Variants in PTPN1 observed in about 807,000 individuals in gnomAD.
PTPN1 encodes the protein tyrosine-protein phosphatase non-receptor type 1.
A neutral mutation model predicts 59.9 loss-of-function variants in PTPN1; 12 were observed. The observed-to-expected ratio is 0.20, with a 90% CI of 0.13 to 0.32. PTPN1 has a LOEUF of 0.32. Ranked by LOEUF, PTPN1 falls within the 10% of genes least tolerant of loss-of-function variation. The probability of loss-of-function intolerance (pLI) is 1.00; values close to 1 mark genes in which losing one functional copy is unlikely to be tolerated. For synonymous variants in PTPN1, 178 were observed against 203.6 expected (o/e 0.87, Z 1.07); for missense variants, 356 against 549.2 (o/e 0.65, Z 3.52).
chr20:50,536,405 A>ATT (rs1321864706), intron 1 of PTPN1, among the ~76,000 whole-genome samples: 3 of 152,270 alleles, frequency 2.0e-5, no homozygotes, highest in Non-Finnish European at 2.9e-5. Context: ...AACCTGAAAC[A>ATT]GTCACACAAA....
chr20:50,547,415 G>C (rs2082680404), intron 1 of PTPN1, among the ~76,000 whole-genome samples: 1 of 151,966 alleles, frequency 6.6e-6, no homozygotes, highest in Admixed American at 6.6e-5. Flanking sequence ...CCAGGCTAGA[G>C]TGCAATGGTA....
chr20:50,537,582 G>A (rs1486871375), intron 1 of PTPN1, among the ~76,000 whole-genome samples: 1 of 152,064 alleles, frequency 6.6e-6, no homozygotes, highest in Non-Finnish European at 1.5e-5. Flanking sequence ...TCAATTCTAG[G>A]TTGTTTTGTT....
intron 4 of PTPN1, chr20:50,572,651 C>T (rs2082816873): frequency 6.6e-6 from 1 of 152,214 alleles, no homozygotes; most frequent in African/African-American, 2.4e-5. Flanking sequence ...TCTGTCTGCT[C>T]ACTCTGTGGA....
intron 1 of PTPN1, among the ~76,000 whole-genome samples, chr20:50,546,234 A>G (rs2082675705): frequency 6.6e-6 from 1 of 152,112 alleles, no homozygotes; most frequent in African/African-American, 2.4e-5. Flanking sequence ...TAATCTTCAT[A>G]TGCTTAGTGC....
chr20:50,568,621 A>G lies in PTPN1; in HGVS notation c.354+143A>G, dbSNP rs2082790746. 1.5e-6 allele frequency: 1 copy of G among 683,640 alleles called. No homozygotes were observed. The highest frequency in any genetic ancestry group is 2.5e-6 in the Non-Finnish European group (1 of 401,540). 42.3% of individuals were successfully genotyped at this position (683,640 alleles called of 1,614,324 possible). A position where few individuals can be genotyped will look rare whatever the true frequency, so the allele number is the denominator to read the frequency against. ...TTTTATTTAAAAAAATTAAAACAGC[A>G]GCATATAAATGCATGTTGGTTGTCA... On this transcript the variant is annotated intron_variant, in intron 4 of 9. Transcript: ENST00000371621. The surrounding 1 kb of genome is among the most constrained non-coding windows in gnomAD (Gnocchi z 5.6).
chr20:50,543,881 T>G (rs1349130310), intron 1 of PTPN1, among the ~76,000 whole-genome samples: 3 of 152,156 alleles, frequency 2.0e-5, no homozygotes, highest in Non-Finnish European at 4.4e-5. Context: ...AGTCTCACTC[T>G]GTCACCCAGG....
chr20:50,522,591 G>C (rs1020260866), intron 1 of PTPN1, among the ~76,000 whole-genome samples: 2 of 152,316 alleles, frequency 1.3e-5, no homozygotes, highest in Admixed American at 1.3e-4. Context: ...TGTAGAACAT[G>C]CTTTTTCTTT....
chr20:50,510,670 C>T lies in PTPN1; in HGVS notation c.63+80C>T, dbSNP rs887986162. ...CCCTCAGACCTCCAGGCCCCAGACT[C>T]CCTCTGGGTCTTGCCCTCTGCCTCG... On this transcript the variant is annotated intron_variant, in intron 1 of 9. Transcript: ENST00000371621. The T allele has an allele frequency of 3.0e-5, 42 of 1,410,192 alleles. No individual in the cohort carries two copies. In the Admixed American group the frequency reaches 3.7e-4, roughly 12 times the overall value. 87.4% of individuals were successfully genotyped at this position (1,410,192 alleles called of 1,614,324 possible).
chr20:50,516,740 A>G (rs2082530809), intron 1 of PTPN1, among the ~76,000 whole-genome samples: 1 of 152,194 alleles, frequency 6.6e-6, no homozygotes, highest in Non-Finnish European at 1.5e-5. Context: ...TTTTCTCTCA[A>G]GTAGCAATTG....
chr20:50,579,186 CCTT>C lies in PTPN1; in HGVS notation c.726_728del (p.Ser243del), dbSNP rs780380776. ...CTTTCAGATGGACAAGAGGAAAGAC[CCTT>C]CTTCCGTTGATATCAAGAAAGTGCT... On this transcript the variant is annotated inframe_deletion, in exon 7 of 10. Coordinates refer to ENST00000371621, the MANE Select transcript of PTPN1 (RefSeq NM_002827.4). 16 of 1,614,068 alleles carry C rather than the reference CCTT, an allele frequency of 9.9e-6. No individual in the cohort carries two copies. Among genetic ancestry groups the C allele is most frequent in the Non-Finnish European group, 1.4e-5 (16 of 1,180,040 alleles).
chr20:50,575,969 A>G (rs1412404180), intron 5 of PTPN1, among the ~76,000 whole-genome samples: 1 of 152,144 alleles, frequency 6.6e-6, no homozygotes, highest in Admixed American at 6.5e-5. Flanking sequence ...AAGATCTAGA[A>G]TGTAGCACAG....
At chr20:50,518,433 C>T (rs371229230) in intron 1 of PTPN1, among the ~76,000 whole-genome samples, 3 of 152,140 alleles carry the variant, frequency 2.0e-5, no homozygotes, top group Admixed American at 6.5e-5. Flanking sequence ...GAACATTTGT[C>T]GCTGTTAACT....
At chr20:50,573,218 C>G (rs1420420190) in intron 4 of PTPN1, 1 of 152,428 alleles carries the variant, frequency 6.6e-6, no homozygotes, top group Non-Finnish European at 1.5e-5. Context: ...CCACAGGTCC[C>G]TGGGCCTGCT....
chr20:50,545,737 T>C (rs2082672288), intron 1 of PTPN1, among the ~76,000 whole-genome samples: 1 of 152,010 alleles, frequency 6.6e-6, no homozygotes, highest in Non-Finnish European at 1.5e-5. Context: ...GTGGTCTGGC[T>C]GAGCTCGGTG....
chr20:50,579,161 C>T lies in PTPN1; in HGVS notation c.703-7C>T, dbSNP rs2082852304. On this transcript the variant is annotated splice_polypyrimidine_tract_variant and splice_region_variant and intron_variant, in intron 6 of 9. Coordinates refer to ENST00000371621, the MANE Select transcript of PTPN1 (RefSeq NM_002827.4). ...TGGCTGACTTATATCTCCTCTCTGGCTTTCAGATGGACAAGAGGAAAGACC... is the reference window on the plus strand; with the variant it reads ...TGGCTGACTTATATCTCCTCTCTGGTTTTCAGATGGACAAGAGGAAAGACC... 6.2e-7 allele frequency: 1 copy of T among 1,613,874 alleles called. No individual in the cohort carries two copies. Among genetic ancestry groups the T allele is most frequent in the African/African-American group, 1.3e-5 (1 of 74,916 alleles).
intron 1 of PTPN1, among the ~76,000 whole-genome samples, chr20:50,548,262 TTA>T (rs2082684708): frequency 6.6e-6 from 1 of 152,210 alleles, no homozygotes; most frequent in Non-Finnish European, 1.5e-5. Context: ...TTAAGGTTTT[TTA>T]AAAAATTTTC....
intron 1 of PTPN1, among the ~76,000 whole-genome samples, chr20:50,536,347 T>C (rs1211160585): frequency 6.6e-6 from 1 of 152,182 alleles, no homozygotes; most frequent in East Asian, 1.9e-4. Context: ...GGTGTGCTGA[T>C]CAGAAACGTG....
chr20:50,532,541 T>C (rs180819943), intron 1 of PTPN1, among the ~76,000 whole-genome samples: 17 of 152,314 alleles, frequency 1.1e-4, no homozygotes, highest in African/African-American at 3.6e-4. Flanking sequence ...TGAATGGTGG[T>C]TAAATCCCAA....
chr20:50,550,616 T>C (rs2082698032), intron 1 of PTPN1, among the ~76,000 whole-genome samples: 1 of 152,268 alleles, frequency 6.6e-6, no homozygotes, highest in South Asian at 2.1e-4. Context: ...ACTTCTGTTC[T>C]ATAAAGAATG....
Sources: gnomAD v4.1 joint callset for allele counts (sites outside exome capture counted in the v4.1 genomes callset) on GRCh38, gnomAD v4.1.1 for gene constraint, Gnocchi (gnomAD v3.1) non-coding constraint, MANE v1.5 for transcripts, NCBI Gene and HGNC (gene_info 2026-07-23, HGNC 2026-07-21) for gene names.